INPP5J: variants seen among roughly 807,000 people sequenced by gnomAD.
INPP5J encodes phosphatidylinositol 4,5-bisphosphate 5-phosphatase A.
Under a neutral mutation model 86.6 loss-of-function variants are expected in INPP5J, and 75 were observed. The ratio of observed to expected loss-of-function variants is 0.87; its 90% CI spans 0.72 to 1.05. The LOEUF is 1.05. INPP5J is among the 50% of genes least tolerant of loss of function. INPP5J has a pLI of 0.00. For synonymous variants in INPP5J, 540 were observed against 550.0 expected, an observed-to-expected ratio of 0.98 and a Z score of 0.25; for missense variants, 1,229 against 1,341.2, an observed-to-expected ratio of 0.92 and a Z score of 1.31.
In INPP5J at chr22:31,133,109, G is replaced by C; in HGVS notation, c.2205G>C (p.Arg735Ser). 6.4e-7 allele frequency: 1 copy of C among 1,562,524 alleles called. No individual in the cohort carries two copies. The highest frequency in any genetic ancestry group is 8.7e-7 in the Non-Finnish European group (1 of 1,153,274). Reference protein sequence around the residue: ...AAQFLLQFAFRDDMPLVRLEV... With the variant: ...AAQFLLQFAFSDDMPLVRLEV... The stretch of plus-strand genomic sequence containing the variant: ...CCTTGCCTGGACAGTTTGCCTTCAG[G>C]GACGACATGCCACTGGTGCGGCTGG... Residue 735 changes from arginine to serine, a missense_variant, in exon 10 of 13, where the codon AGG (arginine) becomes AGC (serine). Physicochemically the swap from Arg to Ser is moderately radical, Grantham distance 110 (BLOSUM62 -1). Transcript: ENST00000331075.
chr22:31,133,728 A>G lies in INPP5J; in HGVS notation c.2514+14A>G, dbSNP rs1207811973. The G allele has an allele frequency of 1.3e-6, 2 of 1,600,006 alleles. No homozygotes were observed. The highest frequency in any genetic ancestry group is 1.1e-5 in the South Asian group (1 of 90,072). ...GAACCCTTCCAGGTAAGTAGGCCAG[A>G]CTGCTGGGCTGGGGGTGCCTAAAGA... On this transcript the variant is annotated intron_variant, in intron 12 of 12. Transcript: ENST00000331075.
Position 31,126,719 on chromosome 22 carries a change from C to G in INPP5J, c.1492C>G (p.Leu498Val), listed in dbSNP as rs749725628. The change falls in exon 4 of 13, where the codon CTG (leucine) becomes GTG (valine). Residue 498 changes from leucine to valine, a missense_variant and splice_region_variant. Coordinates refer to ENST00000331075, the MANE Select transcript of INPP5J (RefSeq NM_001284285.2). ...MDALGPFNFV[L>V]VSSVRMQGVI... is the part of the protein sequence containing the mutation. ...TGCGCTAGGGCCCTTCAACTTCGTG[C>G]TGGTAACGCACCCCTCACCCCCTGG... 18 of 1,610,980 alleles carry G rather than the reference C, an allele frequency of 1.1e-5. No individual in the cohort carries two copies.
rs544342010 is a variant in INPP5J, at chr22:31,133,169, G to A, written c.2265G>A (p.Ala755=). The part of the protein sequence containing the change: ...VADEWVRPEQ[A]VVRYRMETVF... ...ATGAGTGGGTGCGGCCCGAGCAGGC[G>A]GTGGTGAGGTACCGCATGGAAACAG... The change falls in exon 10 of 13, where the codon GCG becomes GCA. Residue 755 remains alanine, a synonymous_variant. Transcript: ENST00000331075. 57 of 1,588,482 alleles carry A rather than the reference G, an allele frequency of 3.6e-5. No individual in the cohort carries two copies. In the South Asian group the frequency reaches 4.2e-4, roughly 12 times the overall value.
chr22:31,124,361 T>A, intron 1 of INPP5J: 2 of 913,112 alleles, frequency 2.2e-6, no homozygotes, highest in African/African-American at 1.8e-5. Flanking sequence ...GGGAGAGGTA[T>A]TTAACAAGCT....
intron 2 of INPP5J, 39 bp downstream of exon 2, chr22:31,126,049 A>G: frequency 6.7e-7 from 1 of 1,497,974 alleles, no homozygotes; most frequent in East Asian, 2.3e-5. Context: ...GCTGGGGCTT[A>G]GCTCTGAGGT....
Position 31,126,024 on chromosome 22 carries a change from C to T in INPP5J, c.1271+14C>T, listed in dbSNP as rs375156268. On this transcript the variant is annotated intron_variant, in intron 2 of 12. Coordinates refer to ENST00000331075, the MANE Select transcript of INPP5J (RefSeq NM_001284285.2). Reference sequence around the variant, plus strand: ...CCCCGGCTTCCGGTGAGGGGGCCCTCTCCCAAGAAAGGTGGCTGGGGCTTA... The same window carrying T: ...CCCCGGCTTCCGGTGAGGGGGCCCTTTCCCAAGAAAGGTGGCTGGGGCTTA... 3 of 1,546,036 alleles carry T rather than the reference C, an allele frequency of 1.9e-6. No individual in the cohort carries two copies. The highest frequency in any genetic ancestry group is 2.6e-6 in the Non-Finnish European group (3 of 1,146,740).
At position 31,124,963 on chromosome 22, in the gene INPP5J, C is replaced by T. The variant is rs1043068895; in HGVS notation, c.224C>T (p.Pro75Leu). 5 of 1,605,998 alleles carry T rather than the reference C, an allele frequency of 3.1e-6. No homozygotes were observed. Among genetic ancestry groups the T allele is most frequent in the African/African-American group, 1.3e-5 (1 of 74,676 alleles). ...GCTATGTCAGCTTCCTCGGAAGGAC[C>T]GAGGCTGGCTCTGGCATCTCCCCGA... ...RAAMSASSEG[P>L]RLALASPRPI... Residue 75 changes from proline to leucine, a missense_variant, in exon 2 of 13, where the codon CCG (proline) becomes CTG (leucine). Pro to Leu is a moderately conservative substitution (Grantham distance 98, BLOSUM62 -3). Coordinates refer to ENST00000331075, the MANE Select transcript of INPP5J (RefSeq NM_001284285.2).
At position 31,125,008 on chromosome 22, in the gene INPP5J, G is replaced by A. The variant is rs200731160; in HGVS notation, c.269G>A (p.Cys90Tyr). 3 of 1,568,930 alleles carry A rather than the reference G, an allele frequency of 1.9e-6. No homozygotes were observed. The highest frequency in any genetic ancestry group is 1.9e-5 in the Admixed American group (1 of 52,640). ...CCCCGACCAATCCTGGCTCCACTGTGTACCCCTGAAGGGCAGAAAACAGCT... is the reference window on the plus strand; with the variant it reads ...CCCCGACCAATCCTGGCTCCACTGTATACCCCTGAAGGGCAGAAAACAGCT... The part of the protein sequence containing the change: ...ASPRPILAPL[C>Y]TPEGQKTATA... The change falls in exon 2 of 13, where the codon TGT becomes TAT. Residue 90 changes from cysteine to tyrosine, a missense_variant. Cys to Tyr is a radical substitution (Grantham distance 194). Coordinates refer to ENST00000331075, the MANE Select transcript of INPP5J (RefSeq NM_001284285.2).
rs1921223217 is a variant in INPP5J at position 31,124,947 on chromosome 22, G to C, written c.208G>C (p.Ala70Pro). Residue 70 changes from alanine to proline, a missense_variant, in exon 2 of 13, where the codon GCT becomes CCT. Ala to Pro is a conservative substitution (Grantham distance 27). Transcript: ENST00000331075. ...APVGPRAAMS[A>P]SSEGPRLALA... ...TGTAGGGCCACGGGCAGCTATGTCA[G>C]CTTCCTCGGAAGGACCGAGGCTGGC... 7 of 1,611,822 alleles carry C rather than the reference G, an allele frequency of 4.3e-6. No homozygotes were observed. The highest frequency in any genetic ancestry group is 2.7e-5 in the African/African-American group (2 of 74,838).
At position 31,129,542 on chromosome 22, in the gene INPP5J, C is replaced by CTT. The variant is rs56039276; in HGVS notation, c.2193+908_2193+909dup. ...GGCATGAGCCACTGTGCCCGGCGCC[C>CTT]TTTTTTTTTTTTTTTTTTTTTAATG... On this transcript the variant is annotated intron_variant, in intron 9 of 12. Transcript: ENST00000331075. Among the ~76,000 whole-genome samples, 83 of 96,296 alleles carry CTT rather than the reference C, an allele frequency of 8.6e-4. 1 individual carries two copies. The highest frequency in any genetic ancestry group is 1.1e-3 in the Non-Finnish European group (56 of 50,486). The allele number at this position is 96,296 out of a possible 152,430, so 63.2% of individuals were successfully genotyped here.
Position 31,125,622 on chromosome 22 carries a change from C to A in INPP5J, c.883C>A (p.Pro295Thr), listed in dbSNP as rs1244074895. The stretch of plus-strand genomic sequence containing the variant: ...GGCCCTCCACAGCAGCCCTGAGGAT[C>A]CTGTTTTGCCACGGCCACCCCAGAC... Reference protein sequence around the residue: ...PEALHSSPEDPVLPRPPQTLP... With the variant: ...PEALHSSPEDTVLPRPPQTLP... Residue 295 changes from proline (P) to threonine (T), a missense_variant, in exon 2 of 13, where the codon CCT (proline) becomes ACT (threonine). Pro to Thr is a conservative substitution (Grantham distance 38, BLOSUM62 -1). Transcript: ENST00000331075. 9 of 1,550,576 alleles carry A rather than the reference C, an allele frequency of 5.8e-6. No individual in the cohort carries two copies. Among genetic ancestry groups the A allele is most frequent in the Non-Finnish European group, 7.8e-6 (9 of 1,146,984 alleles).
Position 31,133,470 on chromosome 22 carries a change from G to A in INPP5J, c.2396G>A (p.Gly799Glu), listed in dbSNP as rs113599041. The part of the protein sequence containing the change: ...YVWAKHEDVD[G>E]NTYQVTFSEE... ...TGGGCCAAACATGAAGATGTGGATG[G>A]GAATACCTACCAGGTACTTAAAAGG... The change falls in exon 11 of 13, where the codon GGG becomes GAG. Residue 799 changes from glycine (G) to glutamate (E), a missense_variant. By Grantham distance (98) the Gly-to-Glu change is moderately conservative. Coordinates refer to ENST00000331075, the MANE Select transcript of INPP5J (RefSeq NM_001284285.2). The A allele has an allele frequency of 6.2e-7, 1 of 1,613,794 alleles. No homozygotes were observed. The highest frequency in any genetic ancestry group is 1.3e-5 in the African/African-American group (1 of 75,022).
In INPP5J at chr22:31,128,503, G is replaced by A. The variant is rs374379847; in HGVS notation, c.2042G>A (p.Arg681His). Residue 681 changes from arginine (R) to histidine (H), a missense_variant, in exon 9 of 13, where the codon CGT becomes CAT. Transcript: ENST00000331075. ...AKKRKPAWTD[R>H]ILWKVKAPGG... ...AAACGGAAGCCAGCTTGGACAGACC[G>A]TATCCTATGGAAGGTCAAGGCTCCA... is the stretch of plus-strand genomic sequence containing the variant. The A allele has an allele frequency of 2.2e-5, 36 of 1,613,386 alleles. No homozygotes were observed. The Admixed American group carries it at 3.8e-4, about 17-fold the overall frequency.
intron 5 of INPP5J, 139 bp downstream of exon 5, chr22:31,127,176 A>G (rs942843948): frequency 1.2e-5 from 9 of 770,566 alleles, no homozygotes; most frequent in African/African-American, 1.1e-4. Flanking sequence ...GCACCACCCA[A>G]TACCCCATCC....
At position 31,128,217 on chromosome 22, in the gene INPP5J, A is replaced by G; in HGVS notation, c.1903A>G (p.Asn635Asp). The change falls in exon 8 of 13, where the codon AAC becomes GAC. Residue 635 changes from asparagine to aspartate, a missense_variant. Coordinates refer to ENST00000331075, the MANE Select transcript of INPP5J (RefSeq NM_001284285.2). The part of the protein sequence containing the change: ...LHQLWEKDQL[N>D]MAKNTWPILK... ...TGCTCTCCTGGACCCCCCACAGCTCAACATGGCCAAGAACACCTGGCCCAT... is the reference window on the plus strand; with the variant it reads ...TGCTCTCCTGGACCCCCCACAGCTCGACATGGCCAAGAACACCTGGCCCAT... 1 of 1,591,590 alleles carries G rather than the reference A, an allele frequency of 6.3e-7. No individual in the cohort carries two copies. The highest frequency in any genetic ancestry group is 8.6e-7 in the Non-Finnish European group (1 of 1,168,802).
Position 31,126,623 on chromosome 22 carries a change from G to A in INPP5J, c.1396G>A (p.Val466Met). 6.2e-7 allele frequency: 1 copy of A among 1,613,844 alleles called. No individual in the cohort carries two copies. Among genetic ancestry groups the A allele is most frequent in the Non-Finnish European group, 8.5e-7 (1 of 1,179,776 alleles). The change falls in exon 4 of 13, where the codon GTG becomes ATG. Residue 466 changes from valine (V) to methionine (M), a missense_variant. Coordinates refer to ENST00000331075, the MANE Select transcript of INPP5J (RefSeq NM_001284285.2). The stretch of plus-strand genomic sequence containing the variant: ...CCCCCACCCCTCCAGGTTGCAGGAA[G>A]TGAACTCCATGCTCAACAAGCGACT... ...ADMIAIGLQE[V>M]NSMLNKRLKD...
chr22:31,134,559 C>A lies in INPP5J; in HGVS notation c.*140C>A. On this transcript the variant is annotated 3_prime_UTR_variant, in exon 13 of 13. Coordinates refer to ENST00000331075, the MANE Select transcript of INPP5J (RefSeq NM_001284285.2). ...TGGCCAGGGGTGGACAACTGGGGTC[C>A]CCCAAAACTCAGTCCTGGCACCTCA... The A allele has an allele frequency of 1.1e-5, 9 of 855,270 alleles. No homozygotes were observed. The highest frequency in any genetic ancestry group is 1.5e-5 in the Non-Finnish European group (9 of 607,328). 53.0% of individuals were successfully genotyped at this position (855,270 alleles called of 1,614,324 possible). A position where few individuals can be genotyped will look rare whatever the true frequency, so the allele number is the denominator to read the frequency against.
intron 2 of INPP5J, 101 bp from the exon 3 acceptor site, chr22:31,126,275 C>T: frequency 1.9e-6 from 2 of 1,044,528 alleles, no homozygotes; most frequent in South Asian, 2.9e-5. Flanking sequence ...GGCTTTGGCC[C>T]ACACCTGCCT....
intron 9 of INPP5J, among the ~76,000 whole-genome samples, chr22:31,129,144 CTGGTCT>C (rs1921809469): frequency 6.6e-6 from 1 of 150,434 alleles, no homozygotes; most frequent in Non-Finnish European, 1.5e-5. Context: ...GTTGGCCAGG[CTGGTCT>C]TGAACTCCTG....
Sources: gnomAD v4.1 joint callset for allele counts (sites outside exome capture counted in the v4.1 genomes callset) on GRCh38, gnomAD v4.1.1 for gene constraint, MANE v1.5 for transcripts, NCBI Gene and HGNC (gene_info 2026-07-23, HGNC 2026-07-21) for gene names.